Variants in SRSF12 observed in about 807,000 individuals in gnomAD.
The protein encoded by SRSF12 is serine and arginine rich splicing factor 12, also known as serine/arginine-rich splicing factor 12.
In SRSF12, 21 loss-of-function variants were observed where a neutral mutation model predicts 34.1. The ratio of observed to expected loss-of-function variants is 0.62; its 90% CI spans 0.44 to 0.89. The LOEUF is 0.89. Among genes scored for constraint, SRSF12 ranks in the 40% least tolerant of loss-of-function variants. The pLI is 0.00. For missense variants in SRSF12, 278 were observed against 327.8 expected (o/e 0.85, Z 1.17); for synonymous variants, 111 against 110.8 (o/e 1.00, Z -0.01).
intron 4 of SRSF12, among the ~76,000 whole-genome samples, chr6:89,100,563 A>C (rs1481986099): frequency 6.6e-6 from 1 of 152,072 alleles, no homozygotes; most frequent in East Asian, 1.9e-4. Flanking sequence ...AAAACTAAGG[A>C]AAATAAAAGG....
chr6:89,112,369 A>T (rs561090256), intron 1 of SRSF12, among the ~76,000 whole-genome samples: 10 of 152,154 alleles, frequency 6.6e-5, no homozygotes, highest in African/African-American at 2.4e-4. Context: ...AAATTTGAAA[A>T]ATATTTGAAA....
At position 89,096,587 on chromosome 6, in the gene SRSF12, G is replaced by A. The variant is rs1290687885; in HGVS notation, c.*1991C>T. On this transcript the variant is annotated 3_prime_UTR_variant, in exon 5 of 5. Transcript: ENST00000452027. Reference sequence around the variant, plus strand: ...AAATCAAAGGATTAAATATGTTCAGGAATACAGAGATTTGTGAATACAGAG... The same window carrying A: ...AAATCAAAGGATTAAATATGTTCAGAAATACAGAGATTTGTGAATACAGAG... 2 of 152,166 alleles carry A rather than the reference G, an allele frequency of 1.3e-5. No individual in the cohort carries two copies. Among genetic ancestry groups the A allele is most frequent in the Non-Finnish European group, 2.9e-5 (2 of 68,032 alleles). The allele number at this position is 152,166 out of a possible 1,614,324, so 9.4% of individuals were successfully genotyped here. A position where few individuals can be genotyped will look rare whatever the true frequency, so the allele number is the denominator to read the frequency against.
At chr6:89,099,024 C>T in intron 4 of SRSF12, 77 bp from the exon 5 acceptor site, 1 of 1,449,820 alleles carries the variant, frequency 6.9e-7, no homozygotes, top group Non-Finnish European at 9.2e-7. Flanking sequence ...CAGGAACTTA[C>T]ATACTTTACA....
chr6:89,096,369 TGC>T lies in SRSF12; in HGVS notation c.*2207_*2208del, dbSNP rs1768287733. The T allele has an allele frequency of 6.6e-6, 1 of 152,192 alleles. No homozygotes were observed. The highest frequency in any genetic ancestry group is 2.1e-4 in the South Asian group (1 of 4,832). The allele number at this position is 152,192 out of a possible 1,614,324, so 9.4% of individuals were successfully genotyped here. On this transcript the variant is annotated 3_prime_UTR_variant, in exon 5 of 5. Coordinates refer to ENST00000452027, the MANE Select transcript of SRSF12 (RefSeq NM_080743.5). ...GGTACTAGGTTGGCGCAAAAGTAAT[TGC>T]GGGATATTTACCTCATAAGAGTGTT...
At chr6:89,103,158 A>T (rs1768615336) in intron 4 of SRSF12, among the ~76,000 whole-genome samples, 1 of 152,182 alleles carries the variant, frequency 6.6e-6, no homozygotes, top group African/African-American at 2.4e-5. Context: ...GCCCTGAAAG[A>T]TGTGGTCCTT....
intron 1 of SRSF12, among the ~76,000 whole-genome samples, chr6:89,112,555 G>C (rs1054094724): frequency 6.7e-6 from 1 of 149,940 alleles, no homozygotes; most frequent in African/African-American, 2.5e-5. Flanking sequence ...TAGGACTACA[G>C]GCACGCATCA....
chr6:89,112,166 T>C (rs1350832989), intron 1 of SRSF12, among the ~76,000 whole-genome samples: 5 of 152,078 alleles, frequency 3.3e-5, no homozygotes, highest in African/African-American at 9.7e-5. Flanking sequence ...ACCGCCCGCC[T>C]CGGCCTCCCA....
At chr6:89,101,091 A>G (rs932329541) in intron 4 of SRSF12, among the ~76,000 whole-genome samples, 1 of 151,674 alleles carries the variant, frequency 6.6e-6, no homozygotes, top group African/African-American at 2.4e-5. Flanking sequence ...CCTGGGCAAC[A>G]AGAGAAAACC....
At chr6:89,102,045 GA>G (rs901934515) in intron 4 of SRSF12, among the ~76,000 whole-genome samples, 1 of 151,020 alleles carries the variant, frequency 6.6e-6, no homozygotes, top group Non-Finnish European at 1.5e-5. Context: ...TTAGACTGAA[GA>G]AAAATGATAC....
intron 1 of SRSF12, among the ~76,000 whole-genome samples, chr6:89,108,267 G>T (rs924885684): frequency 3.3e-5 from 5 of 152,186 alleles, no homozygotes; most frequent in African/African-American, 1.2e-4. Context: ...AACAGTTACA[G>T]TGCATTTATA....
At chr6:89,110,616 G>T (rs1193869915) in intron 1 of SRSF12, among the ~76,000 whole-genome samples, 2 of 152,144 alleles carry the variant, frequency 1.3e-5, no homozygotes. Flanking sequence ...TGTTACTTGG[G>T]TGTAGAGAGG....
intron 1 of SRSF12, among the ~76,000 whole-genome samples, chr6:89,111,031 G>A (rs910046065): frequency 1.3e-5 from 2 of 152,060 alleles, no homozygotes; most frequent in African/African-American, 4.8e-5. Context: ...AGAATCACTT[G>A]AGCCCAGGAG....
chr6:89,098,788 T>G lies in SRSF12; in HGVS notation c.576A>C (p.Ile192=). Residue 192 remains isoleucine (I), a synonymous_variant, in exon 5 of 5, where the codon ATA becomes ATC. Transcript: ENST00000452027. The part of the protein sequence containing the change: ...SKSLQKRSKS[I]GKSQSSSPQK... The stretch of plus-strand genomic sequence containing the variant: ...GAGGTGAACTTGACTGTGATTTTCC[T>G]ATTGACTTGGACCTCTTTTGTAAGG... The G allele has an allele frequency of 6.2e-7, 1 of 1,614,022 alleles. No individual in the cohort carries two copies. Among genetic ancestry groups the G allele is most frequent in the Non-Finnish European group, 8.5e-7 (1 of 1,179,898 alleles).
At chr6:89,113,123 A>C (rs1448234366) in intron 1 of SRSF12, among the ~76,000 whole-genome samples, 1 of 152,200 alleles carries the variant, frequency 6.6e-6, no homozygotes, top group Non-Finnish European at 1.5e-5. Flanking sequence ...ACTGTAACTG[A>C]AATCATGCTG....
chr6:89,101,109 CAAAA>C (rs764910655), intron 4 of SRSF12, among the ~76,000 whole-genome samples: 1 of 54,632 alleles, frequency 1.8e-5, no homozygotes. Context: ...ACCTCCAAGA[CAAAA>C]AAAAAAAAAA....
chr6:89,117,754 C>T (rs369029047), intron 1 of SRSF12, 69 bp downstream of exon 1: 4 of 1,460,378 alleles, frequency 2.7e-6, no homozygotes, highest in African/African-American at 3.0e-5. Flanking sequence ...GGGCCTCGGC[C>T]GTGCTCCGCG....
intron 2 of SRSF12, 167 bp from the exon 3 acceptor site, chr6:89,105,697 A>C: frequency 2.3e-6 from 1 of 439,452 alleles, no homozygotes; most frequent in Non-Finnish European, 4.0e-6. Context: ...ACTTTTTCTC[A>C]TGAAAACAAA....
At chr6:89,111,213 A>G (rs1163096554) in intron 1 of SRSF12, among the ~76,000 whole-genome samples, 3 of 151,494 alleles carry the variant, frequency 2.0e-5, no homozygotes, top group Non-Finnish European at 2.9e-5. Flanking sequence ...GGTTCAAGCT[A>G]TTCTCGTGCC....
chr6:89,104,908 T>A (rs1768715368), intron 4 of SRSF12, among the ~76,000 whole-genome samples: 1 of 151,868 alleles, frequency 6.6e-6, no homozygotes, highest in African/African-American at 2.4e-5. Context: ...TTAAAAAAAT[T>A]AGCCCAGTGT....
Sources: gnomAD v4.1 joint callset for allele counts (sites outside exome capture counted in the v4.1 genomes callset) on GRCh38, gnomAD v4.1.1 for gene constraint, MANE v1.5 for transcripts, NCBI Gene and HGNC (gene_info 2026-07-23, HGNC 2026-07-21) for gene names.